Variants in SMIM36 observed in about 807,000 individuals in gnomAD.
The protein encoded by SMIM36 is small integral membrane protein 36.
chr17:55,501,406 A>T (rs1909969406), intron 1 of SMIM36, among the ~76,000 whole-genome samples: 1 of 24,348 alleles, frequency 4.1e-5, no homozygotes, highest in East Asian at 1.2e-3. Flanking sequence ...ATATATTATT[A>T]TATATTATAA....
chr17:55,457,570 A>G (rs542679843), intron 4 of SMIM36, among the ~76,000 whole-genome samples: 1 of 151,636 alleles, frequency 6.6e-6, no homozygotes, highest in African/African-American at 2.4e-5. Flanking sequence ...CTCGTTGTCC[A>G]GACTGGAGTG....
the SMIM36 span, among the ~76,000 whole-genome samples, chr17:55,530,886 T>C: frequency 1.3e-5 from 2 of 152,182 alleles, no homozygotes; most frequent in Non-Finnish European, 2.9e-5. Context: ...GGTTGTTTTT[T>C]TGACCCTCTT....
the SMIM36 span, among the ~76,000 whole-genome samples, chr17:55,519,184 T>C: frequency 1.3e-5 from 2 of 152,198 alleles, no homozygotes; most frequent in Admixed American, 6.5e-5. Flanking sequence ...ACATGGGTTG[T>C]CATGAATTTA....
chr17:55,510,451 A>T (rs958822322), intron 1 of SMIM36, among the ~76,000 whole-genome samples: 21 of 152,060 alleles, frequency 1.4e-4, no homozygotes, highest in African/African-American at 5.1e-4. Flanking sequence ...CAAAAAAAAG[A>T]CAGGCGTGGT....
chr17:55,496,306 A>G (rs1255263459), intron 1 of SMIM36, among the ~76,000 whole-genome samples: 1 of 152,182 alleles, frequency 6.6e-6, no homozygotes, highest in African/African-American at 2.4e-5. Flanking sequence ...AGTTGAGGCC[A>G]CCAGGCTGGC....
intron 3 of SMIM36, chr17:55,477,295 T>C (rs1446594225): frequency 6.6e-6 from 1 of 152,236 alleles, no homozygotes; most frequent in East Asian, 1.9e-4. Context: ...AGTCATGCTT[T>C]CTGATAGCTC....
At chr17:55,457,027 TAATGTAATGTTTTTCCTCAAACATGAGG>T (rs766658153) in intron 4 of SMIM36, among the ~76,000 whole-genome samples, 5 of 152,246 alleles carry the variant, frequency 3.3e-5, no homozygotes, top group Admixed American at 1.3e-4. Context: ...TAAGCAGTTA[TAATGTAATGTTTTTCCTCAAACATGAGG>T]ACACAGATTT....
intron 4 of SMIM36, chr17:55,454,072 A>C (rs1908973285): frequency 6.6e-6 from 1 of 152,224 alleles, no homozygotes; most frequent in African/African-American, 2.4e-5. Context: ...GCAGCTGACC[A>C]CCAGTGTCAG....
chr17:55,527,802 G>C, the SMIM36 span: 1 of 152,206 alleles, frequency 6.6e-6, no homozygotes, highest in Non-Finnish European at 1.5e-5. Context: ...CAGATCAGGG[G>C]AGAAGAGAAC....
intron 4 of SMIM36, among the ~76,000 whole-genome samples, chr17:55,462,995 T>C (rs969164362): frequency 1.3e-5 from 2 of 152,146 alleles, no homozygotes; most frequent in Admixed American, 6.5e-5. Context: ...TTTATCTTCA[T>C]TTACCCAAGA....
intron 2 of SMIM36, among the ~76,000 whole-genome samples, chr17:55,479,108 G>C (rs897537280): frequency 6.6e-6 from 1 of 152,194 alleles, no homozygotes; most frequent in Non-Finnish European, 1.5e-5. Context: ...TCCTGACAAT[G>C]ACTTCCAAGG....
intron 1 of SMIM36, among the ~76,000 whole-genome samples, chr17:55,502,141 TG>T (rs1285213325): frequency 6.7e-6 from 1 of 149,626 alleles, no homozygotes; most frequent in Admixed American, 6.7e-5. Flanking sequence ...GCAGCGAGGC[TG>T]GGGGAGGGGC....
At chr17:55,493,808 C>CAAAA (rs10555912) in intron 1 of SMIM36, among the ~76,000 whole-genome samples, 1 of 65,082 alleles carries the variant, frequency 1.5e-5, no homozygotes, top group Non-Finnish European at 3.2e-5. Context: ...CTCTCTCTCT[C>CAAAA]AAAAAAAAAA....
At chr17:55,460,000 A>G (rs1909108929) in intron 4 of SMIM36, among the ~76,000 whole-genome samples, 1 of 152,224 alleles carries the variant, frequency 6.6e-6, no homozygotes, top group African/African-American at 2.4e-5. Flanking sequence ...TCTCAAATAA[A>G]TAAATAACAT....
chr17:55,451,048 G>A (rs1442837123), intron 4 of SMIM36, among the ~76,000 whole-genome samples: 1 of 152,088 alleles, frequency 6.6e-6, no homozygotes, highest in Non-Finnish European at 1.5e-5. Context: ...CACCACGCCT[G>A]GCTAATTTTT....
the SMIM36 span, chr17:55,527,917 C>T: frequency 3.3e-5 from 5 of 152,248 alleles, no homozygotes; most frequent in African/African-American, 7.2e-5. Flanking sequence ...AAGACTAACA[C>T]CTACCCCTTT....
chr17:55,451,311 C>T (rs1311393649), intron 4 of SMIM36, among the ~76,000 whole-genome samples: 1 of 152,226 alleles, frequency 6.6e-6, no homozygotes, highest in Non-Finnish European at 1.5e-5. Flanking sequence ...CATCCATCAC[C>T]CTCCTTCAGC....
chr17:55,522,503 A>G, the SMIM36 span, among the ~76,000 whole-genome samples: 5 of 152,234 alleles, frequency 3.3e-5, no homozygotes, highest in Non-Finnish European at 5.9e-5. Flanking sequence ...CACATCTTAC[A>G]TATAGGCAGG....
chr17:55,459,236 A>C (rs1267853948), intron 4 of SMIM36, among the ~76,000 whole-genome samples: 1 of 152,190 alleles, frequency 6.6e-6, no homozygotes, highest in Non-Finnish European at 1.5e-5. Context: ...GACTCACACC[A>C]TTGATTAATT....
Sources: gnomAD v4.1 joint callset for allele counts (sites outside exome capture counted in the v4.1 genomes callset) on GRCh38, gnomAD v4.1.1 for gene constraint, MANE v1.5 for transcripts, NCBI Gene and HGNC (gene_info 2026-07-23, HGNC 2026-07-21) for gene names.